The following NF1 variants were observed in gnomAD, a reference collection of about 807,000 sequenced individuals.
NF1 encodes neurofibromin.
In NF1, 122 loss-of-function variants were observed where a neutral mutation model predicts 325.7. The observed-to-expected ratio is 0.37, with a 90% CI of 0.32 to 0.44. The LOEUF (loss-of-function observed/expected upper bound fraction) is 0.44. NF1 is among the 20% of genes least tolerant of loss of function. The pLI is 1.00. For missense variants in NF1, 2,140 were observed against 3,415.4 expected (o/e 0.63, Z 9.31); for synonymous variants, 1,091 against 1,186.0 (o/e 0.92, Z 1.65).
intron 36 of NF1, chr17:31,272,290 A>C (rs989266579): frequency 6.6e-6 from 1 of 152,232 alleles, no homozygotes; most frequent in Admixed American, 6.5e-5. Flanking sequence ...ATAGAAAATA[A>C]ATGTTGTCCA....
chr17:31,298,006 T>A (rs1246082561), intron 36 of NF1, among the ~76,000 whole-genome samples: 1 of 152,144 alleles, frequency 6.6e-6, no homozygotes, highest in African/African-American at 2.4e-5. Flanking sequence ...GTTTTTTTTC[T>A]TTATGCAACC....
intron 36 of NF1, among the ~76,000 whole-genome samples, chr17:31,267,214 G>GA (rs1325885381): frequency 1.3e-5 from 2 of 152,094 alleles, no homozygotes; most frequent in Non-Finnish European, 2.9e-5. Flanking sequence ...TTACAGGTGT[G>GA]AGCCACTGCA....
intron 36 of NF1, chr17:31,303,625 G>A (rs2068626778): frequency 6.6e-6 from 1 of 151,822 alleles, no homozygotes; most frequent in Non-Finnish European, 1.5e-5. Context: ...TAAAATTTGT[G>A]CCCCCCCAAC....
chr17:31,260,492 T>C lies in NF1; in HGVS notation c.4554T>C (p.Ile1518=), dbSNP rs1597747129. ...TACTCTGGAACAATCAGGAGAAAAT[T>C]GGGCAGTATCTTTCCAGCAACAGGT... ...HRLLWNNQEK[I]GQYLSSNRDH... The change falls in exon 34 of 58, where the codon ATT becomes ATC. Residue 1518 remains isoleucine, a synonymous_variant. Coordinates refer to ENST00000358273, the MANE Select transcript of NF1 (RefSeq NM_001042492.3). The C allele has an allele frequency of 1.2e-6, 2 of 1,614,002 alleles. No homozygotes were observed. Among genetic ancestry groups the C allele is most frequent in the Non-Finnish European group, 1.7e-6 (2 of 1,179,960 alleles).
At chr17:31,171,506 C>T (rs951536144) in intron 5 of NF1, among the ~76,000 whole-genome samples, 9 of 152,128 alleles carry the variant, frequency 5.9e-5, no homozygotes, top group African/African-American at 1.9e-4. Flanking sequence ...CTGTTTAAAA[C>T]AATAGAAATG....
At chr17:31,132,657 T>G (rs1176461732) in intron 1 of NF1, among the ~76,000 whole-genome samples, 1 of 152,180 alleles carries the variant, frequency 6.6e-6, no homozygotes, top group Non-Finnish European at 1.5e-5. Context: ...CCCTAACTTT[T>G]TAATGTTACT....
At chr17:31,256,535 G>C (rs2067586341) in intron 31 of NF1, among the ~76,000 whole-genome samples, 1 of 152,202 alleles carries the variant, frequency 6.6e-6, no homozygotes, top group Non-Finnish European at 1.5e-5. Flanking sequence ...AGAATTTTGT[G>C]TGTGTGAATG....
intron 36 of NF1, among the ~76,000 whole-genome samples, chr17:31,302,411 T>G (rs968011755): frequency 1.3e-5 from 2 of 152,174 alleles, no homozygotes; most frequent in African/African-American, 4.8e-5. Flanking sequence ...AGAACAGTTA[T>G]GATGATTTAA....
chr17:31,324,921 T>TTAG, intron 36 of NF1, among the ~76,000 whole-genome samples: 1 of 152,222 alleles, frequency 6.6e-6, no homozygotes, highest in Admixed American at 6.5e-5. Context: ...TTTAACTTAC[T>TTAG]TAGTAGTATT....
rs78141731 is a variant in NF1 at position 31,364,161 on chromosome 17, T to G, written c.8377+3458T>G. ...TTTAGCTGTATAGAAACCAAAACAT[T>G]TCCTTATCTCCATTCCCAGCAGCCA... On this transcript the variant is annotated intron_variant, in intron 57 of 57. Coordinates refer to ENST00000358273, the MANE Select transcript of NF1 (RefSeq NM_001042492.3). Among the ~76,000 whole-genome samples, 1,437 of 152,290 alleles carry G rather than the reference T, an allele frequency of 9.4e-3. 23 individuals carry two copies. Among genetic ancestry groups the G allele is most frequent in the African/African-American group, 0.033 (1,353 of 41,568 alleles).
intron 46 of NF1, chr17:31,340,284 G>T: frequency 1.8e-6 from 1 of 571,152 alleles, no homozygotes; most frequent in African/African-American, 1.9e-5. Flanking sequence ...AGAACAGGGA[G>T]AAGTCAAAGG....
In NF1 at chr17:31,233,209, A is replaced by G. The variant is rs2151435827; in HGVS notation, c.3704A>G (p.Gln1235Arg). 1 of 1,613,936 alleles carries G rather than the reference A, an allele frequency of 6.2e-7. No individual in the cohort carries two copies. The highest frequency in any genetic ancestry group is 8.5e-7 in the Non-Finnish European group (1 of 1,179,790). Reference sequence around the variant, plus strand: ...CTGGCCAATGTGGTTCCTTGTTCTCAGTGGGTAAGTGATTAGAGTAAGCGG... The same window carrying G: ...CTGGCCAATGTGGTTCCTTGTTCTCGGTGGGTAAGTGATTAGAGTAAGCGG... ...MALANVVPCS[Q>R]WDELARVLVT... Residue 1235 changes from glutamine to arginine, a missense_variant, in exon 27 of 58, where the codon CAG becomes CGG. Physicochemically the swap from Gln to Arg is conservative, Grantham distance 43 (BLOSUM62 1). Coordinates refer to ENST00000358273, the MANE Select transcript of NF1 (RefSeq NM_001042492.3).
At position 31,138,909 on chromosome 17, in the gene NF1, C is replaced by T. The variant is rs147616419; in HGVS notation, c.61-17074C>T. On this transcript the variant is annotated intron_variant, in intron 1 of 57. Coordinates refer to ENST00000358273, the MANE Select transcript of NF1 (RefSeq NM_001042492.3). ...ATTTTTTAAGATACTAATAATTTAC[C>T]GTATTTTGAAGTTTTCTTCTCATTC... 2.2e-3 allele frequency among the ~76,000 whole-genome samples: 338 copies of T among 151,994 alleles called. 1 individual carries two copies. The highest frequency in any genetic ancestry group is 7.6e-3 in the African/African-American group (317 of 41,450).
chr17:31,227,513 T>G lies in NF1; in HGVS notation c.2326-10T>G, dbSNP rs1555613971. ...AAGTTGCTTTCAAGTGATAATTGCC[T>G]TCATTTTAGGCTTGGGAAGATACAC... On this transcript the variant is annotated splice_polypyrimidine_tract_variant and intron_variant, in intron 19 of 57. Coordinates refer to ENST00000358273, the MANE Select transcript of NF1 (RefSeq NM_001042492.3). The G allele has an allele frequency of 1.2e-6, 2 of 1,613,536 alleles. No individual in the cohort carries two copies. The highest frequency in any genetic ancestry group is 1.7e-5 in the Admixed American group (1 of 59,968).
At chr17:31,341,949 A>G (rs547380086) in intron 47 of NF1, among the ~76,000 whole-genome samples, 1 of 152,294 alleles carries the variant, frequency 6.6e-6, no homozygotes, top group African/African-American at 2.4e-5. Context: ...GCTTGAAGTG[A>G]AATTAACTGA....
At chr17:31,309,255 G>A (rs913975733) in intron 36 of NF1, among the ~76,000 whole-genome samples, 3 of 152,156 alleles carry the variant, frequency 2.0e-5, no homozygotes, top group Non-Finnish European at 2.9e-5. Flanking sequence ...TATATTAGGA[G>A]CACAGTAAAC....
At chr17:31,252,808 G>T (rs1459747065) in intron 30 of NF1, 130 bp from the exon 31 acceptor site, 22 of 728,638 alleles carry the variant, frequency 3.0e-5, no homozygotes, top group Middle Eastern at 2.3e-4. Context: ...AAATTCAGTT[G>T]ATTTCTAATT....
intron 37 of NF1, among the ~76,000 whole-genome samples, chr17:31,326,466 G>A (rs1241922250): frequency 1.3e-5 from 2 of 152,034 alleles, no homozygotes; most frequent in African/African-American, 2.4e-5. Flanking sequence ...TGGCCAACAC[G>A]GTGAAACCCC....
At chr17:31,354,420 G>T (rs1432551219) in intron 51 of NF1, among the ~76,000 whole-genome samples, 7 of 152,138 alleles carry the variant, frequency 4.6e-5, no homozygotes, top group Non-Finnish European at 1.0e-4. Flanking sequence ...GGCATCATGG[G>T]GAATGGGGTA....
Sources: allele counts gnomAD v4.1 joint callset (sites outside exome capture counted in the v4.1 genomes callset), GRCh38; gene constraint gnomAD v4.1.1; transcripts MANE v1.5; gene names NCBI Gene and HGNC (gene_info 2026-07-23, HGNC 2026-07-21).